The following NEMP2 variants were observed in gnomAD, a reference collection of about 807,000 sequenced individuals.
The protein encoded by NEMP2 is nuclear envelope integral membrane protein 2.
Under a neutral mutation model 54.2 loss-of-function variants are expected in NEMP2, and 53 were observed. The ratio of observed to expected loss-of-function variants is 0.98; its 90% CI spans 0.78 to 1.23. The LOEUF (loss-of-function observed/expected upper bound fraction) is 1.23, where lower values mean the gene tolerates loss of function less well. NEMP2 is among the 50% of genes most tolerant of loss of function. The probability of loss-of-function intolerance (pLI) is 0.00; values close to 1 mark genes in which losing one functional copy is unlikely to be tolerated. For missense variants in NEMP2, 455 were observed against 511.3 expected (o/e 0.89, Z 1.06); for synonymous variants, 197 against 190.3 (o/e 1.04, Z -0.29).
chr2:190,431,477 C>T, the NEMP2 span, among the ~76,000 whole-genome samples: 6 of 152,340 alleles, frequency 3.9e-5, no homozygotes, highest in South Asian at 4.1e-4. The surrounding 1 kb of genome is among the most constrained non-coding windows in gnomAD (Gnocchi z 4.4). Context: ...CCGAGGCTGG[C>T]GGATCACTCG....
chr2:190,534,269 C>CT (rs1341648401), intron 1 of NEMP2: 9 of 1,144,138 alleles, frequency 7.9e-6, no homozygotes, highest in South Asian at 8.5e-5. Flanking sequence ...CAAAACCTCT[C>CT]TGAGTTTCGG....
chr2:190,597,928 TG>T, the NEMP2 span, among the ~76,000 whole-genome samples: 2 of 152,190 alleles, frequency 1.3e-5, no homozygotes, highest in Non-Finnish European at 2.9e-5. The surrounding 1 kb of genome is among the most constrained non-coding windows in gnomAD (Gnocchi z 4.7). Context: ...ATATTCTACT[TG>T]TTTATGTTCC....
the NEMP2 span, among the ~76,000 whole-genome samples, chr2:190,453,475 T>G: frequency 6.6e-6 from 1 of 152,230 alleles, no homozygotes; most frequent in Non-Finnish European, 1.5e-5. Flanking sequence ...TTCCCCTTTC[T>G]TATTTTCACC....
the NEMP2 span, among the ~76,000 whole-genome samples, chr2:190,576,336 G>A: frequency 6.6e-6 from 1 of 152,056 alleles, no homozygotes; most frequent in South Asian, 2.1e-4. Flanking sequence ...GGTTGTATTT[G>A]TTACTATGAG....
the NEMP2 span, among the ~76,000 whole-genome samples, chr2:190,549,725 G>T: frequency 3.6e-4 from 54 of 151,812 alleles, no homozygotes; most frequent in Middle Eastern, 3.4e-3. Flanking sequence ...GTAAATTTTT[G>T]CCAGTTTCTT....
At chr2:190,622,465 T>A in the NEMP2 span, among the ~76,000 whole-genome samples, 10 of 151,784 alleles carry the variant, frequency 6.6e-5, no homozygotes, top group African/African-American at 2.4e-4. Flanking sequence ...GATATTTGCA[T>A]GCAAAAGAAA....
the NEMP2 span, among the ~76,000 whole-genome samples, chr2:190,457,280 G>T: frequency 3.9e-5 from 6 of 152,216 alleles, no homozygotes; most frequent in East Asian, 1.2e-3. The surrounding 1 kb of genome is among the most constrained non-coding windows in gnomAD (Gnocchi z 5.1). Context: ...CTCCTTCCTT[G>T]TCTCTGTGAA....
At chr2:190,621,321 G>A in the NEMP2 span, among the ~76,000 whole-genome samples, 1 of 152,198 alleles carries the variant, frequency 6.6e-6, no homozygotes, top group Non-Finnish European at 1.5e-5. Flanking sequence ...ATTGAATACT[G>A]TAGGCAACCA....
At chr2:190,498,214 C>T in the NEMP2 span, among the ~76,000 whole-genome samples, 1 of 152,090 alleles carries the variant, frequency 6.6e-6, no homozygotes, top group Non-Finnish European at 1.5e-5. This position sits in a 1 kb window ranked among gnomAD's most constrained non-coding sequence, Gnocchi z 5.9. Flanking sequence ...TTTTTCTTGT[C>T]CCCAGAGGAG....
the NEMP2 span, among the ~76,000 whole-genome samples, chr2:190,542,913 G>T: frequency 6.6e-6 from 1 of 152,150 alleles, no homozygotes; most frequent in Non-Finnish European, 1.5e-5. This position sits in a 1 kb window ranked among gnomAD's most constrained non-coding sequence, Gnocchi z 4.6. Flanking sequence ...GTCTGGAGAG[G>T]TCATGGTTCC....
At chr2:190,549,180 G>T in the NEMP2 span, among the ~76,000 whole-genome samples, 2 of 152,190 alleles carry the variant, frequency 1.3e-5, no homozygotes, top group African/African-American at 4.8e-5. Flanking sequence ...CCTGAAAACT[G>T]GCAACTGGAT....
At chr2:190,577,128 T>G in the NEMP2 span, among the ~76,000 whole-genome samples, 3 of 151,622 alleles carry the variant, frequency 2.0e-5, no homozygotes, top group African/African-American at 2.4e-5. The surrounding 1 kb of genome is among the most constrained non-coding windows in gnomAD (Gnocchi z 4.8). Context: ...GATGACAGCG[T>G]TAGTGGGGAA....
At chr2:190,489,835 C>T in the NEMP2 span, 3 of 1,614,030 alleles carry the variant, frequency 1.9e-6, no homozygotes, top group Non-Finnish European at 2.5e-6. The surrounding 1 kb of genome is among the most constrained non-coding windows in gnomAD (Gnocchi z 6.6). Flanking sequence ...TTGCCCTGAT[C>T]CAGTGGCTGG....
At chr2:190,591,111 G>C in the NEMP2 span, among the ~76,000 whole-genome samples, 80 of 152,228 alleles carry the variant, frequency 5.3e-4, no homozygotes, top group African/African-American at 1.9e-3. The surrounding 1 kb of genome is among the most constrained non-coding windows in gnomAD (Gnocchi z 5.4). Flanking sequence ...GTAGGATTCA[G>C]GCACTATTTG....
the NEMP2 span, among the ~76,000 whole-genome samples, chr2:190,632,359 C>T: frequency 6.6e-6 from 1 of 152,250 alleles, no homozygotes; most frequent in African/African-American, 2.4e-5. This position sits in a 1 kb window ranked among gnomAD's most constrained non-coding sequence, Gnocchi z 4.8. Flanking sequence ...TGATAGTCAC[C>T]ATTTCCTGTA....
In NEMP2 at chr2:190,533,340, T is replaced by C. The variant is rs1691224002; in HGVS notation, c.97+1219A>G. 6.6e-6 allele frequency among the ~76,000 whole-genome samples: 1 copy of C among 152,216 alleles called. No homozygotes were observed. Among genetic ancestry groups the C allele is most frequent in the African/African-American group, 2.4e-5 (1 of 41,442 alleles). On this transcript the variant is annotated intron_variant, in intron 1 of 8. Coordinates refer to ENST00000409150, the MANE Select transcript of NEMP2 (RefSeq NM_001142645.2). The surrounding 1 kb of genome is among the most constrained non-coding windows in gnomAD (Gnocchi z 4.3). ...TTATTTTTTCACCAGCATAAAATTG[T>C]TGTATTTCTTACTACCAAACCTTCG...
chr2:190,478,871 A>G, the NEMP2 span, among the ~76,000 whole-genome samples: 4 of 151,720 alleles, frequency 2.6e-5, no homozygotes, highest in Non-Finnish European at 5.9e-5. Flanking sequence ...TCTTTATCCT[A>G]CCACCCTTGC....
At chr2:190,492,080 G>T in the NEMP2 span, among the ~76,000 whole-genome samples, 1 of 152,144 alleles carries the variant, frequency 6.6e-6, no homozygotes, top group African/African-American at 2.4e-5. This position sits in a 1 kb window ranked among gnomAD's most constrained non-coding sequence, Gnocchi z 5.2. Flanking sequence ...CAAAGACAAG[G>T]TTTTTGAATT....
At chr2:190,541,316 G>T in the NEMP2 span, among the ~76,000 whole-genome samples, 2 of 151,738 alleles carry the variant, frequency 1.3e-5, no homozygotes, top group African/African-American at 4.8e-5. This position sits in a 1 kb window ranked among gnomAD's most constrained non-coding sequence, Gnocchi z 5.2. Flanking sequence ...TTCCTTCAGG[G>T]GCATTGTTAG....
Sources: allele counts gnomAD v4.1 joint callset (sites outside exome capture counted in the v4.1 genomes callset), GRCh38; gene constraint gnomAD v4.1.1; non-coding constraint Gnocchi (gnomAD v3.1); transcripts MANE v1.5; gene names NCBI Gene and HGNC (gene_info 2026-07-23, HGNC 2026-07-21).